RAB21: variants seen among roughly 807,000 people sequenced by gnomAD.
The protein encoded by RAB21 is ras-related protein Rab-21.
Under a neutral mutation model 33.1 loss-of-function variants are expected in RAB21, and 13 were observed. The observed-to-expected ratio is 0.39, with a 90% confidence interval of 0.26 to 0.62. The LOEUF is 0.62. Among genes scored for constraint, RAB21 ranks in the 20% least tolerant of loss-of-function variants. RAB21 has a pLI of 0.48. For synonymous variants in RAB21, 91 were observed against 103.7 expected, an observed-to-expected ratio of 0.88 and a Z score of 0.74; for missense variants, 234 against 279.1, an observed-to-expected ratio of 0.84 and a Z score of 1.15.
At chr12:71,785,166 C>T (rs910809758) in intron 6 of RAB21, among the ~76,000 whole-genome samples, 2 of 152,110 alleles carry the variant, frequency 1.3e-5, no homozygotes, top group Non-Finnish European at 2.9e-5. Context: ...AAATCCTGCC[C>T]CCTAAATATT....
At chr12:71,763,157 C>A (rs1231765734) in intron 1 of RAB21, among the ~76,000 whole-genome samples, 6 of 150,440 alleles carry the variant, frequency 4.0e-5, no homozygotes, top group African/African-American at 1.5e-4. Flanking sequence ...ATACACTCCC[C>A]AACGGCAGGC....
rs999328881 is a variant in RAB21 at position 71,788,406 on chromosome 12, A to G, written c.*2733A>G. On this transcript the variant is annotated 3_prime_UTR_variant, in exon 7 of 7. Transcript: ENST00000261263. ...TGTAATTGAGGCTAATTCAATAGCA[A>G]CAATAGACAACATGATATGGCTGCT... 1 of 152,168 alleles carries G rather than the reference A, an allele frequency of 6.6e-6. No individual in the cohort carries two copies. Among genetic ancestry groups the G allele is most frequent in the Non-Finnish European group, 1.5e-5 (1 of 68,020 alleles). 9.4% of individuals were successfully genotyped at this position (152,168 alleles called of 1,614,324 possible). A position where few individuals can be genotyped will look rare whatever the true frequency, so the allele number is the denominator to read the frequency against.
intron 1 of RAB21, among the ~76,000 whole-genome samples, chr12:71,758,442 A>G (rs1043632317): frequency 2.6e-5 from 4 of 152,068 alleles, no homozygotes; most frequent in African/African-American, 9.7e-5. Flanking sequence ...TCTCTTGGGT[A>G]AACAACTCTG....
At position 71,797,762 on chromosome 12, in the gene RAB21, C is replaced by T. The variant is rs569458215; in HGVS notation, c.*12089C>T. On this transcript the variant is annotated 3_prime_UTR_variant, in exon 7 of 7. Coordinates refer to ENST00000261263, the MANE Select transcript of RAB21 (RefSeq NM_014999.4). ...CTGGCATATGACTAGACAGATCATT[C>T]AAGCAGAAGGAAAATGAACCCAGAT... 8 of 151,312 alleles carry T rather than the reference C, an allele frequency of 5.3e-5. 1 individual carries two copies. The highest frequency in any genetic ancestry group is 1.2e-4 in the Non-Finnish European group (8 of 67,948). The allele number at this position is 151,312 out of a possible 1,614,324, so 9.4% of individuals were successfully genotyped here. A position where few individuals can be genotyped will look rare whatever the true frequency, so the allele number is the denominator to read the frequency against.
chr12:71,757,557 A>G (rs1882803584), intron 1 of RAB21, among the ~76,000 whole-genome samples: 1 of 152,246 alleles, frequency 6.6e-6, no homozygotes, highest in African/African-American at 2.4e-5. Context: ...TCCAGTATTA[A>G]TATCTGAATT....
At chr12:71,776,774 C>T (rs917824925) in intron 4 of RAB21, among the ~76,000 whole-genome samples, 2 of 151,324 alleles carry the variant, frequency 1.3e-5, no homozygotes, top group African/African-American at 2.4e-5. Context: ...ATTAGGATAA[C>T]TTAAAGGATT....
chr12:71,755,427 G>A, intron 1 of RAB21, 139 bp downstream of exon 1: 1 of 1,087,024 alleles, frequency 9.2e-7, no homozygotes, highest in Non-Finnish European at 1.2e-6. Context: ...TTACCTTTCC[G>A]AATTCGCCCT....
chr12:71,798,787 A>G lies in RAB21; in HGVS notation c.*13114A>G, dbSNP rs2137670196. The G allele has an allele frequency of 6.6e-6, 1 of 152,320 alleles. No individual in the cohort carries two copies. Among genetic ancestry groups the G allele is most frequent in the South Asian group, 2.1e-4 (1 of 4,828 alleles). The allele number at this position is 152,320 out of a possible 1,614,324, so 9.4% of individuals were successfully genotyped here. On this transcript the variant is annotated 3_prime_UTR_variant, in exon 7 of 7. Transcript: ENST00000261263. ...AGTATTTTTGCTGATAGAGGGGTAA[A>G]CTGGAACAACCGCTAAGGATGACAG...
rs1041568841 is a variant in RAB21 at position 71,787,461 on chromosome 12, A to T, written c.*1788A>T. 1.3e-5 allele frequency: 2 copies of T among 152,198 alleles called. No homozygotes were observed. Among genetic ancestry groups the T allele is most frequent in the African/African-American group, 2.4e-5 (1 of 41,438 alleles). The allele number at this position is 152,198 out of a possible 1,614,324, so 9.4% of individuals were successfully genotyped here. A position where few individuals can be genotyped will look rare whatever the true frequency, so the allele number is the denominator to read the frequency against. Reference sequence around the variant, plus strand: ...GGAATGGCCCCTGGATTTACTTCTTATAAGAAGCAGTAGTATGTAATAAAG... The same window carrying T: ...GGAATGGCCCCTGGATTTACTTCTTTTAAGAAGCAGTAGTATGTAATAAAG... On this transcript the variant is annotated 3_prime_UTR_variant, in exon 7 of 7. Transcript: ENST00000261263.
Position 71,758,538 on chromosome 12 carries a change from G to A in RAB21, c.159+3250G>A, listed in dbSNP as rs537061482. 1.1e-3 allele frequency among the ~76,000 whole-genome samples: 171 copies of A among 151,106 alleles called. 1 individual carries two copies. The highest frequency in any genetic ancestry group is 4.0e-3 in the African/African-American group (163 of 41,102). On this transcript the variant is annotated intron_variant, in intron 1 of 6. Transcript: ENST00000261263. ...TTTTTGGAGGCAGAGTCTTGCTCTA[G>A]TGGTGATATCATAGCTGCCTGCAGC...
Position 71,779,177 on chromosome 12 carries a change from T to C in RAB21, c.392-2854T>C, listed in dbSNP as rs551490858. Among the ~76,000 whole-genome samples, 6 of 152,258 alleles carry C rather than the reference T, an allele frequency of 3.9e-5. No homozygotes were observed. In the East Asian group the frequency reaches 9.7e-4, roughly 24 times the overall value. ...TAATTTGTCCAAAATATTACAGTTA[T>C]GGCCAGGCGTGGTGACTCTGGCCTT... is the stretch of plus-strand genomic sequence containing the variant. On this transcript the variant is annotated intron_variant, in intron 4 of 6. Coordinates refer to ENST00000261263, the MANE Select transcript of RAB21 (RefSeq NM_014999.4).
chr12:71,759,469 A>G (rs572561622), intron 1 of RAB21, among the ~76,000 whole-genome samples: 1 of 152,358 alleles, frequency 6.6e-6, no homozygotes, highest in South Asian at 2.1e-4. Context: ...TTTTCTGTAG[A>G]CATATAGAAT....
At position 71,792,930 on chromosome 12, in the gene RAB21, A is replaced by C; in HGVS notation, c.*7257A>C. ...TTTGGAGTGAGATAATTAGAATGAC[A>C]GTAGTTGAAGCTGACAGTGAATTTG... On this transcript the variant is annotated 3_prime_UTR_variant, in exon 7 of 7. Transcript: ENST00000261263. 6.6e-6 allele frequency: 1 copy of C among 152,242 alleles called. No homozygotes were observed. Among genetic ancestry groups the C allele is most frequent in the East Asian group, 1.9e-4 (1 of 5,204 alleles). The allele number at this position is 152,242 out of a possible 1,614,324, so 9.4% of individuals were successfully genotyped here. A position where few individuals can be genotyped will look rare whatever the true frequency, so the allele number is the denominator to read the frequency against.
At chr12:71,774,110 A>G (rs1483083807) in intron 4 of RAB21, 88 bp downstream of exon 4, 3 of 853,222 alleles carry the variant, frequency 3.5e-6, no homozygotes, top group East Asian at 2.8e-5. Context: ...TTAAAGTTAT[A>G]TGAGAAAGGA....
At chr12:71,768,540 T>C (rs542519338) in intron 1 of RAB21, among the ~76,000 whole-genome samples, 1 of 152,268 alleles carries the variant, frequency 6.6e-6, no homozygotes, top group East Asian at 1.9e-4. Context: ...ATCTTCATGG[T>C]CTTAGTTCAG....
intron 4 of RAB21, among the ~76,000 whole-genome samples, chr12:71,778,265 G>T (rs1323953986): frequency 6.6e-6 from 1 of 152,184 alleles, no homozygotes; most frequent in Admixed American, 6.5e-5. Flanking sequence ...ACCCTTGGCT[G>T]TGGTTGATAG....
At chr12:71,783,374 A>C (rs1332752939) in intron 6 of RAB21, among the ~76,000 whole-genome samples, 1 of 151,752 alleles carries the variant, frequency 6.6e-6, no homozygotes, top group Non-Finnish European at 1.5e-5. Context: ...TGCATATCTG[A>C]GTTTATGGAC....
At chr12:71,761,386 A>C (rs1882869801) in intron 1 of RAB21, among the ~76,000 whole-genome samples, 2 of 152,150 alleles carry the variant, frequency 1.3e-5, no homozygotes, top group South Asian at 4.1e-4. Flanking sequence ...TTTAAAAAAT[A>C]AAAATACAAG....
intron 4 of RAB21, among the ~76,000 whole-genome samples, chr12:71,777,044 G>A (rs1319468064): frequency 6.6e-6 from 1 of 152,100 alleles, no homozygotes; most frequent in Non-Finnish European, 1.5e-5. Context: ...CATACTCCCT[G>A]TATCCTTCAC....
Sources: gnomAD v4.1 joint callset for allele counts (sites outside exome capture counted in the v4.1 genomes callset) on GRCh38, gnomAD v4.1.1 for gene constraint, MANE v1.5 for transcripts, NCBI Gene and HGNC (gene_info 2026-07-23, HGNC 2026-07-21) for gene names.